Variants in TLN1 observed in about 807,000 individuals in gnomAD.
The protein encoded by TLN1 is talin 1.
Under a neutral mutation model 292.3 loss-of-function variants are expected in TLN1, and 56 were observed. That is an observed-to-expected ratio of 0.19 (90% confidence interval 0.15 to 0.24). The LOEUF is 0.24. TLN1 is among the 10% of genes least tolerant of loss of function. The pLI is 1.00. For synonymous variants in TLN1, 1,119 were observed against 1,253.7 expected (o/e 0.89, Z 2.27); for missense variants, 2,433 against 3,248.2 (o/e 0.75, Z 6.10).
rs376621784 is a variant in TLN1, at chr9:35,717,484, G to A, written c.2164-44C>T. 2.5e-6 allele frequency: 4 copies of A among 1,595,196 alleles called. No individual in the cohort carries two copies. The highest frequency in any genetic ancestry group is 4.5e-5 in the East Asian group (2 of 44,570). On this transcript the variant is annotated intron_variant, in intron 18 of 56. Coordinates refer to ENST00000314888, the MANE Select transcript of TLN1 (RefSeq NM_006289.4). The surrounding 1 kb of genome is among the most constrained non-coding windows in gnomAD (Gnocchi z 4.7). ...TCAGAGACGTAGGCAAGGGAAAGGA[G>A]GTAGAGTATGCTGCTCATAGCAGTA... is the stretch of plus-strand genomic sequence containing the variant.
Position 35,699,932 on chromosome 9 carries a change from T to G in TLN1, c.6768+42A>C. ...GGCCTGCAGGAAGAGGGCTGTGTAT[T>G]CAGGGAGGCTGGTATGAGGAACAAG... On this transcript the variant is annotated intron_variant, in intron 50 of 56. Transcript: ENST00000314888. This position sits in a 1 kb window ranked among gnomAD's most constrained non-coding sequence, Gnocchi z 4.0. 1.3e-6 allele frequency: 2 copies of G among 1,572,456 alleles called. No individual in the cohort carries two copies. The highest frequency in any genetic ancestry group is 2.7e-5 in the African/African-American group (2 of 74,102).
intron 11 of TLN1, 47 bp from the exon 12 acceptor site, chr9:35,720,556 G>A (rs1273469662): frequency 3.8e-6 from 6 of 1,587,306 alleles, no homozygotes; most frequent in African/African-American, 1.3e-5. Context: ...TAAAGAAGAG[G>A]GAAGTGGAGA....
At chr9:35,715,731 G>A (rs914586979) in intron 20 of TLN1, among the ~76,000 whole-genome samples, 2 of 152,134 alleles carry the variant, frequency 1.3e-5, no homozygotes, top group South Asian at 2.1e-4. Context: ...CAGCAAAGAA[G>A]GTAAAAATAG....
At chr9:35,711,155 T>C in intron 30 of TLN1, 73 bp from the exon 31 acceptor site, 1 of 1,610,412 alleles carries the variant, frequency 6.2e-7, no homozygotes, top group Non-Finnish European at 8.5e-7. Context: ...GTATTTATCT[T>C]TTGCCTATAA....
intron 1 of TLN1, among the ~76,000 whole-genome samples, chr9:35,728,017 C>G (rs1179445692): frequency 2.6e-5 from 4 of 152,174 alleles, no homozygotes. Flanking sequence ...GGCCTGAGAA[C>G]TTTGCTCCCT....
rs1400984372 is a variant in TLN1, at chr9:35,716,539, C to A, written c.2476G>T (p.Ala826Ser). ...GATGTGGCTTGGGCCAGGATGCGGG[C>A]CTGTCGCACCATCTCCCCTGAGAGC... ...MGDAGEMVRQ[A>S]RILAQATSDL... The change falls in exon 20 of 57, where the codon GCC (alanine) becomes TCC (serine). Residue 826 changes from alanine to serine, a missense_variant. By Grantham distance (99) the Ala-to-Ser change is moderately conservative (BLOSUM62 1). Coordinates refer to ENST00000314888, the MANE Select transcript of TLN1 (RefSeq NM_006289.4). 9.3e-6 allele frequency: 15 copies of A among 1,614,068 alleles called. No individual in the cohort carries two copies. Among genetic ancestry groups the A allele is most frequent in the Non-Finnish European group, 1.3e-5 (15 of 1,179,966 alleles).
Position 35,721,685 on chromosome 9 carries a change from A to C in TLN1, c.1067T>G (p.Ile356Ser). 1 of 1,613,966 alleles carries C rather than the reference A, an allele frequency of 6.2e-7. No individual in the cohort carries two copies. The highest frequency in any genetic ancestry group is 8.5e-7 in the Non-Finnish European group (1 of 1,179,922). ...TTTGGGAGACGCAGCCCAGCGTTTG[A>C]TGTTGGTGAGGTTCCACTCCTGGAT... ...EVIQEWNLTN[I>S]KRWAASPKSF... Residue 356 changes from isoleucine to serine, a missense_variant, in exon 10 of 57, where the codon ATC (isoleucine) becomes AGC (serine). Around this residue, in one of 7 missense-constraint regions of TLN1, gnomAD observed 57 missense variants for 136.5 expected, o/e 0.42. Transcript: ENST00000314888.
At position 35,699,927 on chromosome 9, in the gene TLN1, T is replaced by C. The variant is rs750943300; in HGVS notation, c.6768+47A>G. On this transcript the variant is annotated intron_variant, in intron 50 of 56. Transcript: ENST00000314888. The surrounding 1 kb of genome is among the most constrained non-coding windows in gnomAD (Gnocchi z 4.0). ...TGCGAGGCCTGCAGGAAGAGGGCTG[T>C]GTATTCAGGGAGGCTGGTATGAGGA... 1.9e-6 allele frequency: 3 copies of C among 1,557,428 alleles called. No homozygotes were observed. Among genetic ancestry groups the C allele is most frequent in the South Asian group, 1.2e-5 (1 of 86,772 alleles).
At chr9:35,708,997 A>G (rs1270418220) in intron 33 of TLN1, among the ~76,000 whole-genome samples, 4 of 152,282 alleles carry the variant, frequency 2.6e-5, no homozygotes, top group South Asian at 2.1e-4. Flanking sequence ...TTTATGATGG[A>G]AAGAACATCC....
At chr9:35,697,991 G>A in intron 56 of TLN1, 53 bp downstream of exon 56, 1 of 1,613,958 alleles carries the variant, frequency 6.2e-7, no homozygotes, top group Non-Finnish European at 8.5e-7. Flanking sequence ...ACCAGCGCAG[G>A]CAACATGACT....
Position 35,706,687 on chromosome 9 carries a change from C to T in TLN1, c.5088+81G>A, listed in dbSNP as rs1825571062. On this transcript the variant is annotated intron_variant, in intron 38 of 56. Coordinates refer to ENST00000314888, the MANE Select transcript of TLN1 (RefSeq NM_006289.4). This position sits in a 1 kb window ranked among gnomAD's most constrained non-coding sequence, Gnocchi z 4.2. ...CCAGCCTTTGATGTCCCTAAGAAGC[C>T]ACTCCTTGATCCCCCAGCTTCTTTG... 6.3e-7 allele frequency: 1 copy of T among 1,586,172 alleles called. No homozygotes were observed. Among genetic ancestry groups the T allele is most frequent in the Non-Finnish European group, 8.6e-7 (1 of 1,165,160 alleles).
chr9:35,707,776 G>A lies in TLN1; in HGVS notation c.4587C>T (p.Ala1529=). ...TAGCTGTGCTGTTGGCCACCTCCTT[G>A]GCTGACTGTACAAACTGGCGCTTGG... The part of the protein sequence containing the change: ...PTAKRQFVQS[A]KEVANSTANL... Residue 1529 remains alanine, a synonymous_variant, in exon 35 of 57, where the codon GCC becomes GCT. Coordinates refer to ENST00000314888, the MANE Select transcript of TLN1 (RefSeq NM_006289.4). This position sits in a 1 kb window ranked among gnomAD's most constrained non-coding sequence, Gnocchi z 5.6. The A allele has an allele frequency of 6.2e-7, 1 of 1,614,150 alleles. No individual in the cohort carries two copies. The highest frequency in any genetic ancestry group is 1.1e-5 in the South Asian group (1 of 91,080).
At chr9:35,731,727 C>T (rs1048255538) in intron 1 of TLN1, among the ~76,000 whole-genome samples, 7 of 152,164 alleles carry the variant, frequency 4.6e-5, no homozygotes, top group African/African-American at 1.7e-4. Context: ...CTATAGCGAC[C>T]CTTGATTCCT....
chr9:35,718,550 G>A (rs567830961), intron 17 of TLN1, among the ~76,000 whole-genome samples: 1 of 152,132 alleles, frequency 6.6e-6, no homozygotes, highest in Non-Finnish European at 1.5e-5. Context: ...GGCTATGTAC[G>A]GGGAAGAGAG....
In TLN1 at chr9:35,714,778, C is replaced by G. The variant is rs754684383; in HGVS notation, c.2853G>C (p.Leu951=). The G allele has an allele frequency of 6.3e-7, 1 of 1,592,130 alleles. No individual in the cohort carries two copies. Among genetic ancestry groups the G allele is most frequent in the African/African-American group, 1.3e-5 (1 of 74,486 alleles). ...TPKASAGPQP[L]LVQSCKAVAE... Reference sequence around the variant, plus strand: ...GTCTTACCTTGCAGCTCTGCACCAGCAGGGGCTGGGGGCCGGCAGAGGCCT... The same window carrying G: ...GTCTTACCTTGCAGCTCTGCACCAGGAGGGGCTGGGGGCCGGCAGAGGCCT... Residue 951 remains leucine (L), a synonymous_variant, in exon 22 of 57, where the codon CTG becomes CTC. Transcript: ENST00000314888. This position sits in a 1 kb window ranked among gnomAD's most constrained non-coding sequence, Gnocchi z 4.6.
Position 35,699,316 on chromosome 9 carries a change from A to G in TLN1, c.6874+40T>C, listed in dbSNP as rs1313377821. 6.3e-7 allele frequency: 1 copy of G among 1,586,668 alleles called. No homozygotes were observed. The highest frequency in any genetic ancestry group is 1.3e-5 in the African/African-American group (1 of 74,446). ...CAGGAAGCAGAGATCACACCATGAT[A>G]AGGGTTTTCCATCCGTCCCTGTCCC... On this transcript the variant is annotated intron_variant, in intron 51 of 56. Coordinates refer to ENST00000314888, the MANE Select transcript of TLN1 (RefSeq NM_006289.4). The surrounding 1 kb of genome is among the most constrained non-coding windows in gnomAD (Gnocchi z 4.0).
chr9:35,717,592 C>T lies in TLN1; in HGVS notation c.2163+27G>A, dbSNP rs764754701. 2.2e-5 allele frequency: 35 copies of T among 1,597,038 alleles called. No individual in the cohort carries two copies. Among genetic ancestry groups the T allele is most frequent in the Admixed American group, 1.0e-4 (6 of 59,502 alleles). ...TGTGTGGTAGTATTACCCCTCAGCA[C>T]GGACTAGAGCAACCTTTGGGGCTCA... is the stretch of plus-strand genomic sequence containing the variant. On this transcript the variant is annotated intron_variant, in intron 18 of 56. Transcript: ENST00000314888. This position sits in a 1 kb window ranked among gnomAD's most constrained non-coding sequence, Gnocchi z 4.7.
chr9:35,719,194 C>T lies in TLN1; in HGVS notation c.1776G>A (p.Lys592=). Residue 592 remains lysine (K), a synonymous_variant, in exon 16 of 57, where the codon AAG becomes AAA. Coordinates refer to ENST00000314888, the MANE Select transcript of TLN1 (RefSeq NM_006289.4). This position sits in a 1 kb window ranked among gnomAD's most constrained non-coding sequence, Gnocchi z 4.6. ...SNLTEMSRGV[K]LLAALLEDEG... ...CGTCCTCCAGCAAGGCAGCCAGCAG[C>T]TTCACCCCACGGGACATCTCCGTCA... The T allele has an allele frequency of 6.2e-7, 1 of 1,614,228 alleles. No homozygotes were observed. Among genetic ancestry groups the T allele is most frequent in the Non-Finnish European group, 8.5e-7 (1 of 1,180,042 alleles).
At chr9:35,727,514 T>C (rs1359112905) in intron 1 of TLN1, among the ~76,000 whole-genome samples, 1 of 152,146 alleles carries the variant, frequency 6.6e-6, no homozygotes, top group Non-Finnish European at 1.5e-5. Context: ...CAGCTCTCTG[T>C]CTTTACTCCC....
Sources: gnomAD v4.1 joint callset for allele counts (sites outside exome capture counted in the v4.1 genomes callset) on GRCh38, gnomAD v4.1.1 for gene constraint, gnomAD v4.1.1 regional missense constraint, Gnocchi (gnomAD v3.1) non-coding constraint, MANE v1.5 for transcripts, NCBI Gene and HGNC (gene_info 2026-07-23, HGNC 2026-07-21) for gene names.